GRM8: variants seen among roughly 807,000 people sequenced by gnomAD.
GRM8 encodes glutamate metabotropic receptor 8.
In GRM8, 47 loss-of-function variants were observed where a neutral mutation model predicts 87.2. That is an observed-to-expected ratio of 0.54 (90% confidence interval 0.43 to 0.69). The LOEUF (loss-of-function observed/expected upper bound fraction) is 0.69, where lower values mean the gene tolerates loss of function less well. Among genes scored for constraint, GRM8 ranks in the 30% least tolerant of loss-of-function variants. GRM8 has a pLI of 0.00. For synonymous variants in GRM8, 396 were observed against 404.5 expected (o/e 0.98, Z 0.25); for missense variants, 1,019 against 1,139.2 (o/e 0.89, Z 1.52).
intron 3 of GRM8, among the ~76,000 whole-genome samples, chr7:127,026,596 C>A (rs1234246524): frequency 6.6e-6 from 1 of 152,138 alleles, no homozygotes; most frequent in Admixed American, 6.5e-5. Flanking sequence ...TCTCTGATGA[C>A]CAGTGATGAT....
chr7:126,487,038 T>C (rs1400116809), intron 9 of GRM8, among the ~76,000 whole-genome samples: 2 of 152,078 alleles, frequency 1.3e-5, no homozygotes, highest in Non-Finnish European at 2.9e-5. Flanking sequence ...TCAACAGTAA[T>C]TACCATATCA....
intron 8 of GRM8, among the ~76,000 whole-genome samples, chr7:126,591,388 C>T (rs1796653684): frequency 6.6e-6 from 1 of 151,946 alleles, no homozygotes; most frequent in African/African-American, 2.4e-5. Flanking sequence ...ATGATTACTA[C>T]TAGACCTAAG....
At chr7:126,811,381 A>AT (rs1313243636) in intron 6 of GRM8, among the ~76,000 whole-genome samples, 4 of 150,088 alleles carry the variant, frequency 2.7e-5, no homozygotes, top group Admixed American at 6.6e-5. Flanking sequence ...AGGTTTTAGG[A>AT]TTTTTTTTCT....
intron 6 of GRM8, among the ~76,000 whole-genome samples, chr7:126,789,995 A>G (rs949407970): frequency 1.3e-5 from 2 of 151,284 alleles, no homozygotes; most frequent in African/African-American, 4.9e-5. Flanking sequence ...TCTCTATGTG[A>G]GAACACATTC....
intron 9 of GRM8, among the ~76,000 whole-genome samples, chr7:126,507,750 T>C (rs1445893257): frequency 6.6e-6 from 1 of 152,042 alleles, no homozygotes; most frequent in Non-Finnish European, 1.5e-5. Context: ...TCTGCTCTTA[T>C]TAACAATTCC....
intron 2 of GRM8, among the ~76,000 whole-genome samples, chr7:127,237,447 T>C (rs1030351561): frequency 2.0e-5 from 3 of 152,238 alleles, no homozygotes; most frequent in Non-Finnish European, 4.4e-5. Flanking sequence ...AAAAAAATGC[T>C]TGGCTTTATA....
chr7:126,942,162 A>T (rs1298939892), intron 3 of GRM8, among the ~76,000 whole-genome samples: 1 of 152,114 alleles, frequency 6.6e-6, no homozygotes, highest in Non-Finnish European at 1.5e-5. Flanking sequence ...CCAAGCATCT[A>T]CACTCCCAAT....
intron 6 of GRM8, among the ~76,000 whole-genome samples, chr7:126,832,463 C>G (rs767545418): frequency 2.0e-5 from 3 of 151,970 alleles, no homozygotes; most frequent in Non-Finnish European, 4.4e-5. Flanking sequence ...ATGAAGCCAA[C>G]AAAAAAACAC....
At chr7:127,087,937 A>G (rs1352361889) in intron 3 of GRM8, among the ~76,000 whole-genome samples, 1 of 152,236 alleles carries the variant, frequency 6.6e-6, no homozygotes, top group African/African-American at 2.4e-5. Context: ...GATTCACAGT[A>G]CAAACAAGGC....
At chr7:126,874,462 T>A (rs17150338) in intron 6 of GRM8, among the ~76,000 whole-genome samples, 3,303 of 152,140 alleles carry the variant, frequency 0.022, 111 homozygotes, top group African/African-American at 0.073. Flanking sequence ...GCAACTAGAA[T>A]CTTTAATCCT....
At chr7:126,751,437 GT>G (rs3216290) in intron 7 of GRM8, among the ~76,000 whole-genome samples, 59,325 of 151,984 alleles carry the variant, frequency 0.39, 12,785 homozygotes, top group Non-Finnish European at 0.48. Flanking sequence ...CCTTGTGCAT[GT>G]TATGTATGTA....
At chr7:126,837,183 T>C (rs1795887240) in intron 6 of GRM8, among the ~76,000 whole-genome samples, 1 of 152,186 alleles carries the variant, frequency 6.6e-6, no homozygotes, top group Admixed American at 6.5e-5. Context: ...CTAATAAAGC[T>C]TGGTGTTTAA....
At chr7:126,466,528 G>C (rs1192885550) in intron 9 of GRM8, among the ~76,000 whole-genome samples, 2 of 151,706 alleles carry the variant, frequency 1.3e-5, no homozygotes, top group African/African-American at 4.8e-5. Context: ...CACAATTATA[G>C]AGGCTGAGAA....
At chr7:126,714,315 AATAATAAT>A (rs1468896230) in intron 7 of GRM8, among the ~76,000 whole-genome samples, 9 of 147,016 alleles carry the variant, frequency 6.1e-5, no homozygotes, top group South Asian at 4.2e-4. Flanking sequence ...TAATAATAAT[AATAATAAT>A]AAATAGTATC....
At chr7:126,862,364 T>C (rs1798208730) in intron 6 of GRM8, among the ~76,000 whole-genome samples, 3 of 152,004 alleles carry the variant, frequency 2.0e-5, no homozygotes, top group African/African-American at 4.8e-5. Flanking sequence ...GCTACTTTGA[T>C]TTTTTTGAAT....
chr7:126,658,354 G>A (rs1485431667), intron 7 of GRM8, among the ~76,000 whole-genome samples: 1 of 152,118 alleles, frequency 6.6e-6, no homozygotes, highest in Non-Finnish European at 1.5e-5. Context: ...AAATGGCCTG[G>A]CCTTATACTT....
chr7:126,880,379 G>T lies in GRM8; in HGVS notation c.1156+22163C>A, dbSNP rs190244013. Among the ~76,000 whole-genome samples, 469 of 152,328 alleles carry T rather than the reference G, an allele frequency of 3.1e-3. 5 individuals carry two copies. The highest frequency in any genetic ancestry group is 0.011 in the African/African-American group (449 of 41,566). On this transcript the variant is annotated intron_variant, in intron 6 of 10. Coordinates refer to ENST00000339582, the MANE Select transcript of GRM8 (RefSeq NM_000845.3). ...AGTCTATAATGCCCTTGGATTTCAA[G>T]CTGAGGAGTCTGATCATCTGGAAAC...
At chr7:127,001,739 C>T (rs1418579185) in intron 3 of GRM8, among the ~76,000 whole-genome samples, 1 of 151,430 alleles carries the variant, frequency 6.6e-6, no homozygotes, top group African/African-American at 2.4e-5. Flanking sequence ...CCACAATAAC[C>T]ATATCAGATT....
At chr7:126,628,392 T>C (rs1029588111) in intron 7 of GRM8, among the ~76,000 whole-genome samples, 3 of 152,168 alleles carry the variant, frequency 2.0e-5, no homozygotes, top group African/African-American at 7.2e-5. Flanking sequence ...AAACTTGTAA[T>C]AATATCTTTC....
Sources: gnomAD v4.1 joint callset for allele counts (sites outside exome capture counted in the v4.1 genomes callset) on GRCh38, gnomAD v4.1.1 for gene constraint, MANE v1.5 for transcripts, NCBI Gene and HGNC (gene_info 2026-07-23, HGNC 2026-07-21) for gene names.